MS4A14: variants seen among roughly 807,000 people sequenced by gnomAD.
The protein encoded by MS4A14 is membrane spanning 4-domains A14.
Under a neutral mutation model 16.7 loss-of-function variants are expected in MS4A14, and 18 were observed. The observed-to-expected ratio is 1.08, with a 90% CI of 0.75 to 1.60. MS4A14 has a LOEUF of 1.60. MS4A14 is among the 40% of genes most tolerant of loss of function. The probability of loss-of-function intolerance (pLI) is 0.00; values close to 1 mark genes in which losing one functional copy is unlikely to be tolerated. For missense variants in MS4A14, 812 were observed against 775.3 expected, an observed-to-expected ratio of 1.05 and a Z score of -0.56; for synonymous variants, 305 against 289.4, an observed-to-expected ratio of 1.05 and a Z score of -0.55.
Position 60,397,993 on chromosome 11 carries a change from G to A in MS4A14, c.267+13G>A, listed in dbSNP as rs369360972. The stretch of plus-strand genomic sequence containing the variant: ...GGGAGCACTTATTGTGAGTACTGTC[G>A]ATTAGAAGCTTTGGAGAAATTGCTA... On this transcript the variant is annotated intron_variant, in intron 2 of 4. Transcript: ENST00000300187. 14 of 1,611,108 alleles carry A rather than the reference G, an allele frequency of 8.7e-6. No individual in the cohort carries two copies. Among genetic ancestry groups the A allele is most frequent in the African/African-American group, 2.7e-5 (2 of 74,768 alleles).
intron 2 of MS4A14, 87 bp from the exon 3 acceptor site, chr11:60,400,317 C>A: frequency 1.2e-6 from 1 of 834,062 alleles, no homozygotes; most frequent in Non-Finnish European, 1.9e-6. Context: ...GATTCACAAA[C>A]AGATATTTTG....
chr11:60,405,205 G>C, intron 4 of MS4A14, among the ~76,000 whole-genome samples: 1 of 151,790 alleles, frequency 6.6e-6, no homozygotes, highest in East Asian at 1.9e-4. Context: ...TCAGCCTCCC[G>C]AGTAGCTGGG....
rs1185420255 is a variant in MS4A14 at position 60,397,851 on chromosome 11, G to C, written c.139-1G>C. 4 of 1,608,838 alleles carry C rather than the reference G, an allele frequency of 2.5e-6. No homozygotes were observed. On this transcript the variant is annotated splice_acceptor_variant, in intron 1 of 4. Coordinates refer to ENST00000300187, the MANE Select transcript of MS4A14 (RefSeq NM_032597.5). LOFTEE classifies it high-confidence loss of function. ...TCATGTACCCATTTCTCTCCTCACA[G>C]GCTACCCAGATCCTGCTTGCTCTAA...
At chr11:60,400,838 A>C (rs1368683606) in intron 3 of MS4A14, among the ~76,000 whole-genome samples, 1 of 152,212 alleles carries the variant, frequency 6.6e-6, no homozygotes, top group African/African-American at 2.4e-5. Context: ...GACATTTCTA[A>C]GCATCTAAAA....
chr11:60,407,006 C>CTTTTT (rs71036579), intron 4 of MS4A14, among the ~76,000 whole-genome samples: 1 of 74,592 alleles, frequency 1.3e-5, no homozygotes, highest in Non-Finnish European at 2.4e-5. Flanking sequence ...ATCAATTTAC[C>CTTTTT]TTTTTTTTTT....
chr11:60,406,004 C>G, intron 4 of MS4A14: 2 of 1,429,934 alleles, frequency 1.4e-6, no homozygotes, highest in Non-Finnish European at 1.8e-6. Flanking sequence ...TCTGATGTCT[C>G]TTAATATTAT....
Position 60,415,920 on chromosome 11 carries a change from G to A in MS4A14, c.952G>A (p.Glu318Lys). Residue 318 changes from glutamate (E) to lysine (K), a missense_variant, in exon 5 of 5, where the codon GAA becomes AAA. Transcript: ENST00000300187. ...SALKLEDISP[E>K]DLPSQALPVE... The stretch of plus-strand genomic sequence containing the variant: ...ACTAAAACTCGAAGATATATCACCT[G>A]AAGACTTGCCATCCCAAGCTCTACC... The A allele has an allele frequency of 6.2e-7, 1 of 1,613,908 alleles. No homozygotes were observed. The highest frequency in any genetic ancestry group is 8.5e-7 in the Non-Finnish European group (1 of 1,179,932).
chr11:60,399,277 T>C (rs1364564497), intron 2 of MS4A14, among the ~76,000 whole-genome samples: 3 of 152,174 alleles, frequency 2.0e-5, no homozygotes, highest in Admixed American at 1.3e-4. Flanking sequence ...CACCTGACCA[T>C]GGAGGTCAGG....
intron 2 of MS4A14, among the ~76,000 whole-genome samples, chr11:60,399,464 C>A (rs1433921978): frequency 6.6e-6 from 1 of 152,140 alleles, no homozygotes; most frequent in African/African-American, 2.4e-5. Flanking sequence ...GTCGTGCCAA[C>A]CCCTATAGTC....
Position 60,416,828 on chromosome 11 carries a change from A to C in MS4A14, c.1860A>C (p.Gln620His). 1.2e-6 allele frequency: 2 copies of C among 1,613,792 alleles called. No homozygotes were observed. The highest frequency in any genetic ancestry group is 1.7e-6 in the Non-Finnish European group (2 of 1,179,862). ...PAQEKKSPKG[Q>H]FQNVQAEGQQ... is the part of the protein sequence containing the mutation. ...AAGAGAAGAAATCCCCGAAAGGACA[A>C]TTCCAAAATGTTCAAGCCGAAGGAC... Residue 620 changes from glutamine to histidine, a missense_variant, in exon 5 of 5, where the codon CAA (glutamine) becomes CAC (histidine). By Grantham distance (24) the Gln-to-His change is conservative. Transcript: ENST00000300187.
intron 3 of MS4A14, among the ~76,000 whole-genome samples, chr11:60,401,604 C>T (rs1030203469): frequency 6.6e-6 from 1 of 152,192 alleles, no homozygotes; most frequent in African/African-American, 2.4e-5. Flanking sequence ...TCACTTACTT[C>T]CTTAATTCCA....
At chr11:60,415,403 G>A in intron 4 of MS4A14, 34 bp from the exon 5 acceptor site, 2 of 1,543,506 alleles carry the variant, frequency 1.3e-6, no homozygotes, top group South Asian at 2.6e-5. Flanking sequence ...ACATGATTCT[G>A]TCATATTAAT....
chr11:60,413,100 T>C (rs1565179271), intron 4 of MS4A14, among the ~76,000 whole-genome samples: 1 of 151,938 alleles, frequency 6.6e-6, no homozygotes, highest in Non-Finnish European at 1.5e-5. Context: ...CATTTTTTCT[T>C]GATATTGTAC....
chr11:60,397,946 T>A lies in MS4A14; in HGVS notation c.233T>A (p.Val78Asp), dbSNP rs980426856. ...IGFSQRLPLV[V>D]LTGYPFWGAL... Reference sequence around the variant, plus strand: ...TTCTCCCAAAGACTTCCCCTTGTTGTCCTCACAGGATATCCATTCTGGGGA... The same window carrying A: ...TTCTCCCAAAGACTTCCCCTTGTTGACCTCACAGGATATCCATTCTGGGGA... Residue 78 changes from valine to aspartate, a missense_variant, in exon 2 of 5, where the codon GTC (valine) becomes GAC (aspartate). By Grantham distance (152) the Val-to-Asp change is radical (BLOSUM62 -3). Coordinates refer to ENST00000300187, the MANE Select transcript of MS4A14 (RefSeq NM_032597.5). 5 of 1,613,628 alleles carry A rather than the reference T, an allele frequency of 3.1e-6. No homozygotes were observed. Among genetic ancestry groups the A allele is most frequent in the Non-Finnish European group, 4.2e-6 (5 of 1,179,662 alleles).
chr11:60,400,492 A>C (rs1160179805), intron 3 of MS4A14, 38 bp downstream of exon 3: 4 of 1,417,360 alleles, frequency 2.8e-6, no homozygotes, highest in Non-Finnish European at 3.0e-6. Flanking sequence ...AAAATCTTCT[A>C]TTTGTTTTAT....
chr11:60,413,604 C>G (rs957731135), intron 4 of MS4A14, among the ~76,000 whole-genome samples: 2 of 151,946 alleles, frequency 1.3e-5, no homozygotes, highest in African/African-American at 4.8e-5. Flanking sequence ...GTTTTAAGCC[C>G]TTTAGAAACA....
At chr11:60,402,673 A>G (rs2085731754) in intron 3 of MS4A14, among the ~76,000 whole-genome samples, 1 of 152,190 alleles carries the variant, frequency 6.6e-6, no homozygotes, top group South Asian at 2.1e-4. Flanking sequence ...ATGGGATAAA[A>G]TGAACATTTT....
At position 60,403,052 on chromosome 11, in the gene MS4A14, T is replaced by A; in HGVS notation, c.459T>A (p.Thr153=). ...AAGAAATATGTGTTTTCAGTAGAAC[T>A]CTTTTCATTGTAAGTGGTCTTATTT... ...SFEEICVFSR[T]LFIVLFFLPS... is the part of the protein sequence containing the mutation. The change falls in exon 4 of 5, where the codon ACT becomes ACA. Residue 153 remains threonine, a synonymous_variant. Transcript: ENST00000300187. 2 of 1,613,616 alleles carry A rather than the reference T, an allele frequency of 1.2e-6. No homozygotes were observed. Among genetic ancestry groups the A allele is most frequent in the Non-Finnish European group, 1.7e-6 (2 of 1,179,618 alleles).
Position 60,406,569 on chromosome 11 carries a change from C to T in MS4A14, c.468+3508C>T, listed in dbSNP as rs141351219. On this transcript the variant is annotated intron_variant, in intron 4 of 4. Transcript: ENST00000300187. ...TAACCTCTCCAGTACCACATAACATCAGGATTCTGACCCCTGTGATATGTC... is the reference window on the plus strand; with the variant it reads ...TAACCTCTCCAGTACCACATAACATTAGGATTCTGACCCCTGTGATATGTC... Among the ~76,000 whole-genome samples, 301 of 152,312 alleles carry T rather than the reference C, an allele frequency of 2.0e-3. 1 individual carries two copies. Among genetic ancestry groups the T allele is most frequent in the Non-Finnish European group, 3.5e-3 (238 of 68,028 alleles).
Sources: allele counts gnomAD v4.1 joint callset (sites outside exome capture counted in the v4.1 genomes callset), GRCh38; gene constraint gnomAD v4.1.1; transcripts MANE v1.5; gene names NCBI Gene and HGNC (gene_info 2026-07-23, HGNC 2026-07-21).